SPEF2: variants seen among roughly 807,000 people sequenced by gnomAD.
SPEF2 encodes sperm flagella and cilia-associated protein 2.
SPEF2 carries 187 observed loss-of-function variants against 224.6 expected under a neutral mutation model. The ratio of observed to expected loss-of-function variants is 0.83; its 90% CI spans 0.74 to 0.94. The LOEUF (loss-of-function observed/expected upper bound fraction) is 0.94. Ranked by LOEUF, SPEF2 falls within the 40% of genes least tolerant of loss-of-function variation. SPEF2 has a pLI of 0.00. For missense variants in SPEF2, 2,170 were observed against 2,135.6 expected, an observed-to-expected ratio of 1.02 and a Z score of -0.32; for synonymous variants, 715 against 707.3, an observed-to-expected ratio of 1.01 and a Z score of -0.17.
chr5:35,728,457 C>G (rs1034641471), intron 21 of SPEF2, among the ~76,000 whole-genome samples: 1 of 152,114 alleles, frequency 6.6e-6, no homozygotes, highest in African/African-American at 2.4e-5. Context: ...TTTTAAACAG[C>G]AAAGAGCTTT....
chr5:35,694,860 A>G (rs758149363), intron 13 of SPEF2, among the ~76,000 whole-genome samples: 7 of 152,204 alleles, frequency 4.6e-5, no homozygotes, highest in Non-Finnish European at 4.4e-5. Flanking sequence ...CCCAAACATA[A>G]CAAAAAGTTA....
At chr5:35,721,154 C>A (rs1220866390) in intron 20 of SPEF2, among the ~76,000 whole-genome samples, 2 of 152,136 alleles carry the variant, frequency 1.3e-5, no homozygotes, top group Non-Finnish European at 2.9e-5. Context: ...ACACAGAGAA[C>A]CTTTTCTGCA....
chr5:35,805,564 CA>C (rs1292707296), intron 34 of SPEF2, among the ~76,000 whole-genome samples: 2 of 152,070 alleles, frequency 1.3e-5, no homozygotes, highest in Non-Finnish European at 1.5e-5. Flanking sequence ...TCTGGCCAGC[CA>C]AAAATGCCAA....
chr5:35,676,283 T>G (rs1356725025), intron 10 of SPEF2, among the ~76,000 whole-genome samples: 1 of 150,176 alleles, frequency 6.7e-6, no homozygotes, highest in East Asian at 2.2e-4. Context: ...GTCAGGGCTT[T>G]TCTGGGCTTT....
chr5:35,807,886 G>T, intron 36 of SPEF2: 1 of 1,463,236 alleles, frequency 6.8e-7, no homozygotes, highest in Non-Finnish European at 9.0e-7. Context: ...ACTAAGGAGG[G>T]CAGAGGCTGA....
intron 30 of SPEF2, among the ~76,000 whole-genome samples, chr5:35,784,665 G>T (rs1754851098): frequency 6.6e-6 from 1 of 152,170 alleles, no homozygotes; most frequent in African/African-American, 2.4e-5. Flanking sequence ...GAGCAGCTGT[G>T]GAGATTTTGA....
At chr5:35,692,439 A>G (rs1754654624) in intron 11 of SPEF2, 131 bp from the exon 12 acceptor site, 1 of 696,508 alleles carries the variant, frequency 1.4e-6, no homozygotes, top group Non-Finnish European at 2.4e-6. Context: ...AAAACAAAAA[A>G]GAAACTTGAT....
intron 6 of SPEF2, 126 bp from the exon 7 acceptor site, chr5:35,654,414 C>T (rs1472041105): frequency 4.3e-5 from 30 of 696,572 alleles, no homozygotes; most frequent in Middle Eastern, 4.2e-4. Context: ...TTCTTCAATG[C>T]TTGTATTAAT....
intron 33 of SPEF2, among the ~76,000 whole-genome samples, chr5:35,796,674 A>G (rs1442342347): frequency 6.6e-6 from 1 of 152,166 alleles, no homozygotes; most frequent in African/African-American, 2.4e-5. Context: ...TGAATGGTAG[A>G]TTTAGACATC....
chr5:35,686,003 T>C (rs944348441), intron 10 of SPEF2, among the ~76,000 whole-genome samples: 5 of 152,110 alleles, frequency 3.3e-5, no homozygotes, highest in Non-Finnish European at 7.4e-5. Context: ...AGCACCTATT[T>C]TGATGAGGGA....
At chr5:35,789,265 G>T (rs1413311358) in intron 30 of SPEF2, 4 of 703,200 alleles carry the variant, frequency 5.7e-6, no homozygotes, top group Non-Finnish European at 1.0e-5. Context: ...TGGATGTCAT[G>T]AATGTCCTTA....
intron 26 of SPEF2, among the ~76,000 whole-genome samples, chr5:35,765,311 T>A (rs553482026): frequency 6.6e-6 from 1 of 152,290 alleles, no homozygotes; most frequent in African/African-American, 2.4e-5. Context: ...ATTATATGAA[T>A]GTATCACAAT....
At chr5:35,701,321 T>C (rs1738581772) in intron 16 of SPEF2, among the ~76,000 whole-genome samples, 1 of 152,200 alleles carries the variant, frequency 6.6e-6, no homozygotes, top group Non-Finnish European at 1.5e-5. Context: ...ACCTTGGCTT[T>C]CTTACATAGA....
intron 29 of SPEF2, among the ~76,000 whole-genome samples, chr5:35,778,128 T>A (rs1753852996): frequency 6.6e-6 from 1 of 152,198 alleles, no homozygotes; most frequent in African/African-American, 2.4e-5. Context: ...GTTCAGTATG[T>A]GGTATATTTG....
intron 3 of SPEF2, 86 bp downstream of exon 3, chr5:35,641,769 G>C: frequency 7.2e-7 from 1 of 1,383,656 alleles, no homozygotes; most frequent in Non-Finnish European, 9.8e-7. Context: ...TCTCAAAGAA[G>C]CCTCATTAGG....
chr5:35,629,374 G>C (rs1183571342), intron 2 of SPEF2, among the ~76,000 whole-genome samples: 5 of 151,552 alleles, frequency 3.3e-5, no homozygotes, highest in Non-Finnish European at 7.4e-5. Flanking sequence ...AGCCAGGATG[G>C]TCTCGATCTC....
At chr5:35,649,210 T>C (rs1162831523) in intron 5 of SPEF2, 151 bp from the exon 6 acceptor site, 2 of 599,014 alleles carry the variant, frequency 3.3e-6, no homozygotes, top group Non-Finnish European at 5.6e-6. Context: ...CAAATCAAAA[T>C]TATAAAAAAA....
intron 26 of SPEF2, among the ~76,000 whole-genome samples, chr5:35,766,539 C>A (rs1752113545): frequency 1.3e-5 from 2 of 151,858 alleles, no homozygotes; most frequent in Admixed American, 1.3e-4. Flanking sequence ...TTGTGCTTTT[C>A]CTCTTTTTTT....
intron 8 of SPEF2, among the ~76,000 whole-genome samples, chr5:35,661,569 C>T (rs1240263489): frequency 6.6e-6 from 1 of 151,808 alleles, no homozygotes; most frequent in Non-Finnish European, 1.5e-5. Flanking sequence ...GATCCTCTCT[C>T]TCCTCCCACC....
Sources: allele counts gnomAD v4.1 joint callset (sites outside exome capture counted in the v4.1 genomes callset), GRCh38; gene constraint gnomAD v4.1.1; transcripts MANE v1.5; gene names NCBI Gene and HGNC (gene_info 2026-07-23, HGNC 2026-07-21).